Variants in FAM117B observed in about 807,000 individuals in gnomAD.
The protein encoded by FAM117B is protein FAM117B.
In FAM117B, 22 loss-of-function variants were observed where a neutral mutation model predicts 52.8. That is an observed-to-expected ratio of 0.42 (90% CI 0.30 to 0.59). The LOEUF is 0.59. Ranked by LOEUF, FAM117B falls within the 20% of genes least tolerant of loss-of-function variation. FAM117B has a pLI of 0.22. For synonymous variants in FAM117B, 309 were observed against 324.1 expected, an observed-to-expected ratio of 0.95 and a Z score of 0.50; for missense variants, 678 against 802.6, an observed-to-expected ratio of 0.84 and a Z score of 1.88.
At chr2:202,717,591 A>C (rs1021413757) in intron 2 of FAM117B, among the ~76,000 whole-genome samples, 9 of 152,214 alleles carry the variant, frequency 5.9e-5, no homozygotes, top group Non-Finnish European at 7.3e-5. Flanking sequence ...ATGTTGATGA[A>C]GATCCAGAAG....
chr2:202,748,474 C>T (rs908804835), intron 4 of FAM117B, among the ~76,000 whole-genome samples: 1 of 151,978 alleles, frequency 6.6e-6, no homozygotes, highest in African/African-American at 2.4e-5. Context: ...AAGGAAACAA[C>T]AGAGTGAAGA....
chr2:202,673,433 G>GGTTTTTTTTTT (rs1690328728), intron 1 of FAM117B, among the ~76,000 whole-genome samples: 1 of 37,510 alleles, frequency 2.7e-5, no homozygotes, highest in African/African-American at 1.6e-4. Flanking sequence ...TTCTTTTTCT[G>GGTTTTTTTTTT]TTTTTTTTTT....
chr2:202,675,632 C>T (rs1371396843), intron 1 of FAM117B, among the ~76,000 whole-genome samples: 3 of 151,920 alleles, frequency 2.0e-5, no homozygotes, highest in Non-Finnish European at 4.4e-5. Context: ...GTGTTCATGC[C>T]CTGTGTAATA....
At chr2:202,664,523 A>G (rs1313514728) in intron 1 of FAM117B, among the ~76,000 whole-genome samples, 2 of 152,214 alleles carry the variant, frequency 1.3e-5, no homozygotes, top group Non-Finnish European at 2.9e-5. Context: ...ATTGAGATAA[A>G]TAATATTTAA....
intron 1 of FAM117B, among the ~76,000 whole-genome samples, chr2:202,678,229 A>G (rs1690406632): frequency 6.6e-6 from 1 of 152,160 alleles, no homozygotes; most frequent in African/African-American, 2.4e-5. Flanking sequence ...GGCAAGAGAG[A>G]AGGAAGAAGC....
At chr2:202,683,092 C>T (rs1423777887) in intron 1 of FAM117B, among the ~76,000 whole-genome samples, 2 of 152,278 alleles carry the variant, frequency 1.3e-5, no homozygotes, top group East Asian at 3.9e-4. Context: ...CTTTGGGAGG[C>T]CGAGGCGGGC....
At chr2:202,670,365 C>G (rs569712538) in intron 1 of FAM117B, among the ~76,000 whole-genome samples, 1 of 151,072 alleles carries the variant, frequency 6.6e-6, no homozygotes, top group Non-Finnish European at 1.5e-5. Flanking sequence ...TCTCGGCTCA[C>G]TGAAACCTCT....
At chr2:202,747,523 C>G (rs1039962127) in intron 4 of FAM117B, among the ~76,000 whole-genome samples, 1 of 151,834 alleles carries the variant, frequency 6.6e-6, no homozygotes, top group Non-Finnish European at 1.5e-5. Context: ...AAAAACCTAC[C>G]CATTCCAATT....
intron 4 of FAM117B, among the ~76,000 whole-genome samples, chr2:202,745,504 C>T (rs1691618217): frequency 6.6e-6 from 1 of 152,058 alleles, no homozygotes; most frequent in Non-Finnish European, 1.5e-5. Flanking sequence ...AGAAGCCCAC[C>T]ACATCTAAAG....
intron 1 of FAM117B, among the ~76,000 whole-genome samples, chr2:202,668,139 A>T (rs1056544273): frequency 5.7e-5 from 8 of 140,734 alleles, no homozygotes; most frequent in Admixed American, 1.4e-4. Flanking sequence ...ATATTTTATA[A>T]AAATATATAA....
chr2:202,648,172 G>A (rs1405348793), intron 1 of FAM117B, among the ~76,000 whole-genome samples: 1 of 152,054 alleles, frequency 6.6e-6, no homozygotes, highest in African/African-American at 2.4e-5. Context: ...AAATCCAGTT[G>A]TTTCTTTGTA....
chr2:202,727,981 G>T (rs1476829425), intron 4 of FAM117B, among the ~76,000 whole-genome samples: 1 of 151,928 alleles, frequency 6.6e-6, no homozygotes, highest in Non-Finnish European at 1.5e-5. Context: ...TATAGAGATT[G>T]TTTTTTGTTT....
intron 7 of FAM117B, among the ~76,000 whole-genome samples, chr2:202,759,837 A>G (rs1375157366): frequency 6.6e-6 from 1 of 151,704 alleles, no homozygotes; most frequent in Non-Finnish European, 1.5e-5. Flanking sequence ...GATTACAGGC[A>G]TGAGCCACTG....
chr2:202,637,860 CTTAG>C (rs1242739660), intron 1 of FAM117B, among the ~76,000 whole-genome samples: 3 of 148,276 alleles, frequency 2.0e-5, no homozygotes, highest in African/African-American at 7.5e-5. Context: ...ATTACATGTA[CTTAG>C]TTAGGTAACT....
chr2:202,673,033 G>A (rs2105766550), intron 1 of FAM117B, among the ~76,000 whole-genome samples: 1 of 152,314 alleles, frequency 6.6e-6, no homozygotes, highest in Non-Finnish European at 1.5e-5. Context: ...GGGCGACAGA[G>A]TGAGACCTCA....
rs1000185425 is a variant in FAM117B at position 202,767,332 on chromosome 2, G to A, written c.*1568G>A. The stretch of plus-strand genomic sequence containing the variant: ...TGCACCACCACACCCAGCTAATTTT[G>A]TATTTTTAGTATATATGGGGTTTCA... On this transcript the variant is annotated 3_prime_UTR_variant, in exon 8 of 8. Transcript: ENST00000392238. 4 of 151,820 alleles carry A rather than the reference G, an allele frequency of 2.6e-5. No homozygotes were observed. Among genetic ancestry groups the A allele is most frequent in the African/African-American group, 9.7e-5 (4 of 41,294 alleles). 9.4% of individuals were successfully genotyped at this position (151,820 alleles called of 1,614,324 possible).
At chr2:202,724,864 A>T in intron 2 of FAM117B, 53 bp from the exon 3 acceptor site, 1 of 1,305,446 alleles carries the variant, frequency 7.7e-7, no homozygotes. Flanking sequence ...TATGGTAGAC[A>T]TTGTTGTGAA....
At chr2:202,639,897 G>T (rs367631802) in intron 1 of FAM117B, among the ~76,000 whole-genome samples, 14 of 152,198 alleles carry the variant, frequency 9.2e-5, no homozygotes, top group African/African-American at 3.1e-4. Flanking sequence ...AACATTGCCT[G>T]TGAACATCCA....
intron 1 of FAM117B, among the ~76,000 whole-genome samples, chr2:202,682,899 G>A (rs1690483551): frequency 6.6e-6 from 1 of 152,112 alleles, no homozygotes; most frequent in Non-Finnish European, 1.5e-5. Context: ...AGAAGAAAAT[G>A]TTTATAAATG....
Sources: gnomAD v4.1 joint callset for allele counts (sites outside exome capture counted in the v4.1 genomes callset) on GRCh38, gnomAD v4.1.1 for gene constraint, MANE v1.5 for transcripts, NCBI Gene and HGNC (gene_info 2026-07-23, HGNC 2026-07-21) for gene names.